Variants in ANO2 observed in about 807,000 individuals in gnomAD.
ANO2 encodes the protein anoctamin-2.
ANO2 carries 101 observed loss-of-function variants against 124.2 expected under a neutral mutation model. The ratio of observed to expected loss-of-function variants is 0.81; its 90% CI spans 0.69 to 0.96. The LOEUF is 0.96. Ranked by LOEUF, ANO2 falls within the 40% of genes least tolerant of loss-of-function variation. ANO2 has a pLI of 0.00. For synonymous variants in ANO2, 486 were observed against 482.5 expected, an observed-to-expected ratio of 1.01 and a Z score of -0.09; for missense variants, 1,293 against 1,274.5, an observed-to-expected ratio of 1.01 and a Z score of -0.22.
chr12:5,800,123 A>G (rs1952994212), intron 9 of ANO2, among the ~76,000 whole-genome samples: 1 of 152,234 alleles, frequency 6.6e-6, no homozygotes, highest in African/African-American at 2.4e-5. Context: ...TGAGGAGGTG[A>G]CATTGAGCTG....
chr12:5,697,764 C>T (rs944358117), intron 14 of ANO2, among the ~76,000 whole-genome samples: 36 of 152,336 alleles, frequency 2.4e-4, no homozygotes, highest in Middle Eastern at 3.4e-3. Context: ...CCTAATACTG[C>T]GCTTTATCCA....
intron 14 of ANO2, among the ~76,000 whole-genome samples, chr12:5,685,357 G>A (rs1366483657): frequency 6.6e-6 from 1 of 152,166 alleles, no homozygotes; most frequent in Non-Finnish European, 1.5e-5. Context: ...GAGTCTCCAT[G>A]GTGGGGAAGG....
At chr12:5,877,324 G>A (rs1251003590) in intron 3 of ANO2, among the ~76,000 whole-genome samples, 1 of 152,188 alleles carries the variant, frequency 6.6e-6, no homozygotes, top group South Asian at 2.1e-4. Flanking sequence ...GCCATGTGAC[G>A]ATTCTCCCTC....
intron 15 of ANO2, among the ~76,000 whole-genome samples, chr12:5,644,264 A>G (rs1320913966): frequency 1.3e-5 from 2 of 152,154 alleles, no homozygotes; most frequent in Admixed American, 1.3e-4. Flanking sequence ...AGAAGCACTT[A>G]CTGAGAAGTT....
intron 15 of ANO2, among the ~76,000 whole-genome samples, chr12:5,640,355 C>T (rs574403275): frequency 1.3e-5 from 2 of 152,294 alleles, no homozygotes; most frequent in South Asian, 4.2e-4. Flanking sequence ...CTAAGCACCA[C>T]CCTGACCCCT....
intron 19 of ANO2, among the ~76,000 whole-genome samples, chr12:5,609,967 A>C (rs1286333632): frequency 1.4e-5 from 2 of 143,574 alleles, no homozygotes; most frequent in Non-Finnish European, 3.0e-5. Flanking sequence ...ACATACATTT[A>C]TGTATAAATA....
At chr12:5,607,063 T>A (rs1365816190) in intron 19 of ANO2, among the ~76,000 whole-genome samples, 3 of 145,494 alleles carry the variant, frequency 2.1e-5, no homozygotes, top group East Asian at 2.0e-4. Context: ...TGCCTCTATT[T>A]AAAAAAAAAA....
chr12:5,722,006 A>C (rs1319950793), intron 14 of ANO2, among the ~76,000 whole-genome samples: 3 of 152,242 alleles, frequency 2.0e-5, no homozygotes, highest in Admixed American at 1.3e-4. Flanking sequence ...GCGTAAATTG[A>C]AATAAACAAT....
At chr12:5,791,674 G>A (rs147841198) in intron 10 of ANO2, among the ~76,000 whole-genome samples, 8 of 152,292 alleles carry the variant, frequency 5.3e-5, no homozygotes, top group Non-Finnish European at 1.2e-4. Context: ...GTGGCTCTGG[G>A]AAGCCTTTAC....
At chr12:5,732,862 A>G (rs1591537126) in intron 13 of ANO2, 1 of 1,614,046 alleles carries the variant, frequency 6.2e-7, no homozygotes, top group Non-Finnish European at 8.5e-7. Flanking sequence ...ACTGAAAACC[A>G]AACCTGGGCA....
intron 3 of ANO2, among the ~76,000 whole-genome samples, chr12:5,896,141 G>A (rs1031377671): frequency 1.3e-5 from 2 of 151,920 alleles, no homozygotes; most frequent in African/African-American, 4.8e-5. Flanking sequence ...GGGGGGTGAG[G>A]TATAAAAGAC....
rs149453395 is a variant in ANO2, at chr12:5,862,949, C to G, written c.535-8808G>C. On this transcript the variant is annotated intron_variant, in intron 3 of 24. Coordinates refer to ENST00000682330, the MANE Select transcript of ANO2 (RefSeq NM_001364791.2). This position sits in a 1 kb window ranked among gnomAD's most constrained non-coding sequence, Gnocchi z 4.0. ...GGGATTACAGGCACCCACCACCACA[C>G]CCAGCTAATTTTTTGTATTTTTTTC... is the stretch of plus-strand genomic sequence containing the variant. 3.3e-5 allele frequency among the ~76,000 whole-genome samples: 5 copies of G among 152,242 alleles called. No homozygotes were observed. The highest frequency in any genetic ancestry group is 9.6e-5 in the African/African-American group (4 of 41,542).
rs746665531 is a variant in ANO2, at chr12:5,635,393, G to A, written c.1621-46C>T. 13 of 1,423,412 alleles carry A rather than the reference G, an allele frequency of 9.1e-6. No individual in the cohort carries two copies. The highest frequency in any genetic ancestry group is 2.5e-5 in the East Asian group (1 of 40,620). The allele number at this position is 1,423,412 out of a possible 1,614,324, so 88.2% of individuals were successfully genotyped here. A position where few individuals can be genotyped will look rare whatever the true frequency, so the allele number is the denominator to read the frequency against. On this transcript the variant is annotated intron_variant, in intron 15 of 24. Transcript: ENST00000682330. This position sits in a 1 kb window ranked among gnomAD's most constrained non-coding sequence, Gnocchi z 5.2. ...AAGTACACATCAGCCGGCAATTACCGAGCACCTACTATTTGCTCTGCCAAC... is the reference window on the plus strand; with the variant it reads ...AAGTACACATCAGCCGGCAATTACCAAGCACCTACTATTTGCTCTGCCAAC...
intron 10 of ANO2, among the ~76,000 whole-genome samples, chr12:5,790,971 G>T (rs1952678796): frequency 6.6e-6 from 1 of 152,072 alleles, no homozygotes; most frequent in African/African-American, 2.4e-5. Context: ...CATAGTGAGG[G>T]CCCCCTGCTG....
chr12:5,587,517 T>G (rs1439663751), intron 20 of ANO2, among the ~76,000 whole-genome samples: 1 of 152,140 alleles, frequency 6.6e-6, no homozygotes, highest in African/African-American at 2.4e-5. Context: ...ATGACAGGGC[T>G]GTGAGGGGCC....
At chr12:5,901,319 G>A (rs187651311) in intron 3 of ANO2, among the ~76,000 whole-genome samples, 1 of 152,296 alleles carries the variant, frequency 6.6e-6, no homozygotes, top group East Asian at 1.9e-4. Flanking sequence ...ATTGCTGGGG[G>A]ATTCATGAGC....
At chr12:5,640,203 G>A (rs1156590906) in intron 15 of ANO2, among the ~76,000 whole-genome samples, 1 of 152,142 alleles carries the variant, frequency 6.6e-6, no homozygotes, top group Non-Finnish European at 1.5e-5. Flanking sequence ...CGGTAGATTG[G>A]CATGCCTGAA....
At chr12:5,639,006 G>C (rs547890538) in intron 15 of ANO2, among the ~76,000 whole-genome samples, 2 of 152,268 alleles carry the variant, frequency 1.3e-5, no homozygotes, top group East Asian at 3.9e-4. Context: ...GTAGCAGCTG[G>C]ATGGAGTCAC....
At chr12:5,871,566 A>T (rs1445713944) in intron 3 of ANO2, among the ~76,000 whole-genome samples, 1 of 152,188 alleles carries the variant, frequency 6.6e-6, no homozygotes, top group Non-Finnish European at 1.5e-5. Flanking sequence ...AACTCACAGG[A>T]GCACCGACCC....
Sources: gnomAD v4.1 joint callset for allele counts (sites outside exome capture counted in the v4.1 genomes callset) on GRCh38, gnomAD v4.1.1 for gene constraint, Gnocchi (gnomAD v3.1) non-coding constraint, MANE v1.5 for transcripts, NCBI Gene and HGNC (gene_info 2026-07-23, HGNC 2026-07-21) for gene names.